Variants in PEBP1 observed in about 807,000 individuals in gnomAD.
The protein encoded by PEBP1 is phosphatidylethanolamine binding protein 1.
Under a neutral mutation model 22.7 loss-of-function variants are expected in PEBP1, and 17 were observed. The ratio of observed to expected loss-of-function variants is 0.75; its 90% CI spans 0.51 to 1.12. The LOEUF (loss-of-function observed/expected upper bound fraction) is 1.12, where lower values mean the gene tolerates loss of function less well. Ranked by LOEUF, PEBP1 falls within the 50% of genes most tolerant of loss-of-function variation. PEBP1 has a pLI of 0.00. For synonymous variants in PEBP1, 106 were observed against 104.3 expected (o/e 1.02, Z -0.10); for missense variants, 205 against 243.5 (o/e 0.84, Z 1.05).
rs753658930 is a variant in PEBP1, at chr12:118,138,028, C to A, written c.136-11C>A. 24 of 1,592,178 alleles carry A rather than the reference C, an allele frequency of 1.5e-5. No individual in the cohort carries two copies. In the South Asian group the frequency reaches 2.1e-4, roughly 14 times the overall value. ...CTGACTTTTTTACTGCAAACTGGTT[C>A]CTTCATACAGGTTAAGAATAGACCC... On this transcript the variant is annotated splice_polypyrimidine_tract_variant and intron_variant, in intron 1 of 3. Coordinates refer to ENST00000261313, the MANE Select transcript of PEBP1 (RefSeq NM_002567.4).
chr12:118,141,754 ATG>A (rs1370952893), intron 3 of PEBP1, among the ~76,000 whole-genome samples: 1 of 152,140 alleles, frequency 6.6e-6, no homozygotes, highest in Non-Finnish European at 1.5e-5. Context: ...GTATCATGCA[ATG>A]TGTATTTTAA....
At chr12:118,139,841 C>T (rs1246785190) in intron 3 of PEBP1, among the ~76,000 whole-genome samples, 1 of 152,146 alleles carries the variant, frequency 6.6e-6, no homozygotes, top group Non-Finnish European at 1.5e-5. Flanking sequence ...GAAAGCTTAG[C>T]ATGGCCTTTT....
chr12:118,138,119 T>G lies in PEBP1; in HGVS notation c.216T>G (p.Asp72Glu). ...ACACCTTGGTCCTGACAGACCCGGA[T>G]GCTCCCAGCAGGAAGGATCCCAAAT... is the stretch of plus-strand genomic sequence containing the variant. ...KLYTLVLTDP[D>E]APSRKDPKYR... Residue 72 changes from aspartate (D) to glutamate (E), a missense_variant, in exon 2 of 4, where the codon GAT becomes GAG. Transcript: ENST00000261313. 2 of 1,613,580 alleles carry G rather than the reference T, an allele frequency of 1.2e-6. No homozygotes were observed. The highest frequency in any genetic ancestry group is 1.7e-6 in the Non-Finnish European group (2 of 1,179,670).
chr12:118,142,865 G>T (rs1456931189), intron 3 of PEBP1, among the ~76,000 whole-genome samples: 1 of 117,356 alleles, frequency 8.5e-6, no homozygotes, highest in African/African-American at 3.4e-5. Flanking sequence ...TTTGAGATAG[G>T]GTCTTACTCT....
At chr12:118,138,235 C>A in intron 2 of PEBP1, 87 bp downstream of exon 2, 1 of 925,304 alleles carries the variant, frequency 1.1e-6, no homozygotes, top group Non-Finnish European at 1.7e-6. Context: ...AGAAGTAGAC[C>A]TGGTTTGGGA....
rs752717213 is a variant in PEBP1 at position 118,144,573 on chromosome 12, C to T, written c.347-13C>T. ...GGGCTGTGTGTACATCTTCCCTCTG[C>T]CTCTCCCCACAGGCCTCCACCGCTA... On this transcript the variant is annotated splice_polypyrimidine_tract_variant and intron_variant, in intron 3 of 3. Coordinates refer to ENST00000261313, the MANE Select transcript of PEBP1 (RefSeq NM_002567.4). 31 of 1,607,228 alleles carry T rather than the reference C, an allele frequency of 1.9e-5. No homozygotes were observed. The highest frequency in any genetic ancestry group is 2.5e-5 in the Non-Finnish European group (30 of 1,176,772).
chr12:118,144,965 C>T lies in PEBP1; in HGVS notation c.*162C>T. On this transcript the variant is annotated 3_prime_UTR_variant, in exon 4 of 4. Coordinates refer to ENST00000261313, the MANE Select transcript of PEBP1 (RefSeq NM_002567.4). ...AGGGTGACTTTTCCTGCTGCCTGGCCTTTATAATTTTACTCACTCACTCTG... is the reference window on the plus strand; with the variant it reads ...AGGGTGACTTTTCCTGCTGCCTGGCTTTTATAATTTTACTCACTCACTCTG... 1 of 1,531,802 alleles carries T rather than the reference C, an allele frequency of 6.5e-7. No individual in the cohort carries two copies. The highest frequency in any genetic ancestry group is 8.7e-7 in the Non-Finnish European group (1 of 1,144,700). The allele number at this position is 1,531,802 out of a possible 1,614,324, so 94.9% of individuals were successfully genotyped here.
intron 3 of PEBP1, among the ~76,000 whole-genome samples, chr12:118,142,973 A>T (rs1239848316): frequency 6.7e-6 from 1 of 149,768 alleles, no homozygotes; most frequent in Non-Finnish European, 1.5e-5. Context: ...GGCTCCCGAG[A>T]AGCTGGGACT....
At chr12:118,137,920 C>CA (rs1292758305) in intron 1 of PEBP1, 119 bp from the exon 2 acceptor site, 1 of 685,844 alleles carries the variant, frequency 1.5e-6, no homozygotes, top group Non-Finnish European at 2.6e-6. Flanking sequence ...CCCCTGACCT[C>CA]AAGTGATCCT....
At chr12:118,137,196 C>T (rs1388439342) in intron 1 of PEBP1, among the ~76,000 whole-genome samples, 2 of 152,140 alleles carry the variant, frequency 1.3e-5, no homozygotes, top group African/African-American at 4.8e-5. Flanking sequence ...CAGGTAACCT[C>T]CTGATCACCA....
chr12:118,138,035 A>C lies in PEBP1; in HGVS notation c.136-4A>C. On this transcript the variant is annotated splice_polypyrimidine_tract_variant and splice_region_variant and intron_variant, in intron 1 of 3. Transcript: ENST00000261313. ...TTTTACTGCAAACTGGTTCCTTCAT[A>C]CAGGTTAAGAATAGACCCACCAGCA... The C allele has an allele frequency of 5.6e-6, 9 of 1,606,910 alleles. No individual in the cohort carries two copies. Among genetic ancestry groups the C allele is most frequent in the Non-Finnish European group, 7.7e-6 (9 of 1,174,360 alleles).
At chr12:118,143,475 G>A (rs963948229) in intron 3 of PEBP1, among the ~76,000 whole-genome samples, 13 of 152,336 alleles carry the variant, frequency 8.5e-5, no homozygotes, top group Non-Finnish European at 1.9e-4. Flanking sequence ...ATTCTGTTGT[G>A]TGTATAAACC....
In PEBP1 at chr12:118,136,635, G is replaced by A. The variant is rs2034062671; in HGVS notation, c.135+291G>A. Among the ~76,000 whole-genome samples the A allele has an allele frequency of 6.6e-6, 1 of 152,218 alleles. No individual in the cohort carries two copies. The highest frequency in any genetic ancestry group is 6.5e-5 in the Admixed American group (1 of 15,286). ...GGGACCTAGGTTCGGAAACAGGCCG[G>A]ATCCCCCTCTCCCCCCACAGGCCAG... On this transcript the variant is annotated intron_variant, in intron 1 of 3. Coordinates refer to ENST00000261313, the MANE Select transcript of PEBP1 (RefSeq NM_002567.4). This position sits in a 1 kb window ranked among gnomAD's most constrained non-coding sequence, Gnocchi z 5.6.
At chr12:118,140,614 C>G (rs2034105726) in intron 3 of PEBP1, among the ~76,000 whole-genome samples, 1 of 151,620 alleles carries the variant, frequency 6.6e-6, no homozygotes, top group Non-Finnish European at 1.5e-5. Context: ...ATCTCGCTCA[C>G]TGCAAGCTCC....
At position 118,144,973 on chromosome 12, in the gene PEBP1, T is replaced by A; in HGVS notation, c.*170T>A. 1 of 1,528,984 alleles carries A rather than the reference T, an allele frequency of 6.5e-7. No individual in the cohort carries two copies. Among genetic ancestry groups the A allele is most frequent in the East Asian group, 2.5e-5 (1 of 40,418 alleles). The allele number at this position is 1,528,984 out of a possible 1,614,324, so 94.7% of individuals were successfully genotyped here. On this transcript the variant is annotated 3_prime_UTR_variant, in exon 4 of 4. Coordinates refer to ENST00000261313, the MANE Select transcript of PEBP1 (RefSeq NM_002567.4). ...TTTTCCTGCTGCCTGGCCTTTATAA[T>A]TTTACTCACTCACTCTGATTTATGT... is the stretch of plus-strand genomic sequence containing the variant.
intron 2 of PEBP1, chr12:118,139,113 GAC>G (rs2034092266): frequency 6.9e-6 from 2 of 291,342 alleles, no homozygotes; most frequent in African/African-American, 4.6e-5. Flanking sequence ...AGGAGTTCAA[GAC>G]CAGTCTGGCC....
At chr12:118,143,229 C>A (rs1290858855) in intron 3 of PEBP1, among the ~76,000 whole-genome samples, 2 of 152,136 alleles carry the variant, frequency 1.3e-5, no homozygotes, top group Non-Finnish European at 2.9e-5. Context: ...CATTGACCAA[C>A]AGCTCCCCAT....
Position 118,143,108 on chromosome 12 carries a change from T to A in PEBP1, c.347-1478T>A, listed in dbSNP as rs565580245. On this transcript the variant is annotated intron_variant, in intron 3 of 3. Coordinates refer to ENST00000261313, the MANE Select transcript of PEBP1 (RefSeq NM_002567.4). ...CTCAGGTGACCCTCCCACCTTGGCC[T>A]CCCAAAGTCCTGGGATTATAAATGT... 3.3e-5 allele frequency among the ~76,000 whole-genome samples: 5 copies of A among 152,196 alleles called. No homozygotes were observed. In the South Asian group the frequency reaches 1.0e-3, roughly 32 times the overall value.
At chr12:118,138,660 T>C (rs900192373) in intron 2 of PEBP1, among the ~76,000 whole-genome samples, 4 of 152,160 alleles carry the variant, frequency 2.6e-5, no homozygotes, top group Admixed American at 2.6e-4. Context: ...TCTCCCAAAG[T>C]GCTGGGATTA....
Sources: gnomAD v4.1 joint callset for allele counts (sites outside exome capture counted in the v4.1 genomes callset) on GRCh38, gnomAD v4.1.1 for gene constraint, Gnocchi (gnomAD v3.1) non-coding constraint, MANE v1.5 for transcripts, NCBI Gene and HGNC (gene_info 2026-07-23, HGNC 2026-07-21) for gene names.